DR1: variants seen among roughly 807,000 people sequenced by gnomAD.
The protein encoded by DR1 is down-regulator of transcription 1.
DR1 carries 7 observed loss-of-function variants against 19.9 expected under a neutral mutation model. The observed-to-expected ratio is 0.35, with a 90% CI of 0.20 to 0.66. The LOEUF (loss-of-function observed/expected upper bound fraction) is 0.66. DR1 is among the 30% of genes least tolerant of loss of function. The pLI, the probability that DR1 is intolerant of heterozygous loss-of-function variation, is 0.66. For synonymous variants in DR1, 76 were observed against 72.5 expected (o/e 1.05, Z -0.24); for missense variants, 98 against 203.7 (o/e 0.48, Z 3.16).
chr1:93,346,766 A>G lies in DR1; in HGVS notation c.121A>G (p.Asn41Asp). 1 of 1,614,164 alleles carries G rather than the reference A, an allele frequency of 6.2e-7. No homozygotes were observed. The highest frequency in any genetic ancestry group is 8.5e-7 in the Non-Finnish European group (1 of 1,180,020). ...CAACGATGCTCGAGAGCTGGTGGTG[A>G]ACTGCTGCACTGAATTCATTCACCT... ...VANDARELVV[N>D]CCTEFIHLIS... The change falls in exon 1 of 3, where the codon AAC becomes GAC. Residue 41 changes from asparagine (N) to aspartate (D), a missense_variant. Transcript: ENST00000370272.
chr1:93,367,043 G>C lies in DR1; in HGVS notation c.*6404G>C, dbSNP rs1032489728. The C allele has an allele frequency of 2.6e-5, 4 of 151,634 alleles. No homozygotes were observed. Among genetic ancestry groups the C allele is most frequent in the South Asian group, 2.1e-4 (1 of 4,802 alleles). The allele number at this position is 151,634 out of a possible 1,614,324, so 9.4% of individuals were successfully genotyped here. On this transcript the variant is annotated 3_prime_UTR_variant, in exon 3 of 3. Coordinates refer to ENST00000370272, the MANE Select transcript of DR1 (RefSeq NM_001938.3). ...TTATCCAGCCCCAAATGTTTATGGG[G>C]TTGTTATTGATAAACCCTGCATTAA...
chr1:93,357,291 A>G (rs767833564), intron 2 of DR1, among the ~76,000 whole-genome samples: 5 of 152,026 alleles, frequency 3.3e-5, no homozygotes, highest in Non-Finnish European at 7.4e-5. Flanking sequence ...TTAACCATAT[A>G]CGGGTCTTCT....
rs1667095479 is a variant in DR1, at chr1:93,364,634, CA to C, written c.*3996del. 1 of 152,098 alleles carries C rather than the reference CA, an allele frequency of 6.6e-6. No individual in the cohort carries two copies. The highest frequency in any genetic ancestry group is 6.6e-5 in the Admixed American group (1 of 15,266). The allele number at this position is 152,098 out of a possible 1,614,324, so 9.4% of individuals were successfully genotyped here. ...ACCTCCTCTGTTTTTCACCATCCCC[CA>C]GGATATAAAGTGTCATGGTTAGGAT... On this transcript the variant is annotated 3_prime_UTR_variant, in exon 3 of 3. Transcript: ENST00000370272.
rs1297822861 is a variant in DR1, at chr1:93,361,137, A to C, written c.*498A>C. 2 of 153,428 alleles carry C rather than the reference A, an allele frequency of 1.3e-5. No homozygotes were observed. Among genetic ancestry groups the C allele is most frequent in the African/African-American group, 2.4e-5 (1 of 41,456 alleles). The allele number at this position is 153,428 out of a possible 1,614,324, so 9.5% of individuals were successfully genotyped here. Reference sequence around the variant, plus strand: ...TGAATTTGTCTTTTAAAATGAGTACATATATAGGCAATAAATATATATGCT... The same window carrying C: ...TGAATTTGTCTTTTAAAATGAGTACCTATATAGGCAATAAATATATATGCT... On this transcript the variant is annotated 3_prime_UTR_variant, in exon 3 of 3. Coordinates refer to ENST00000370272, the MANE Select transcript of DR1 (RefSeq NM_001938.3).
In DR1 at chr1:93,364,131, C is replaced by T. The variant is rs569022555; in HGVS notation, c.*3492C>T. 13 of 152,226 alleles carry T rather than the reference C, an allele frequency of 8.5e-5. No individual in the cohort carries two copies. The South Asian group carries it at 1.0e-3, about 12-fold the overall frequency. 9.4% of individuals were successfully genotyped at this position (152,226 alleles called of 1,614,324 possible). The stretch of plus-strand genomic sequence containing the variant: ...TAATGTGTAGCATAAAAATGAATTA[C>T]GCTAATGATCTTAGTGGGTTGAATT... On this transcript the variant is annotated 3_prime_UTR_variant, in exon 3 of 3. Transcript: ENST00000370272.
Position 93,346,539 on chromosome 1 carries a change from C to A in DR1, c.-107C>A. The A allele has an allele frequency of 1.2e-6, 1 of 858,580 alleles. No homozygotes were observed. The highest frequency in any genetic ancestry group is 1.8e-6 in the Non-Finnish European group (1 of 542,756). The allele number at this position is 858,580 out of a possible 1,614,324, so 53.2% of individuals were successfully genotyped here. On this transcript the variant is annotated 5_prime_UTR_variant, in exon 1 of 3. Transcript: ENST00000370272. ...TTTCTGCACCCTCTTCGCAAAGCAC[C>A]CCCCGGGATCACTCTCCGAGGGCGA...
rs144970376 is a variant in DR1 at position 93,354,090 on chromosome 1, T to C, written c.384+19T>C. The C allele has an allele frequency of 3.7e-6, 6 of 1,606,432 alleles. No homozygotes were observed. Among genetic ancestry groups the C allele is most frequent in the Middle Eastern group, 1.7e-4 (1 of 5,894 alleles). On this transcript the variant is annotated intron_variant, in intron 2 of 2. Transcript: ENST00000370272. The stretch of plus-strand genomic sequence containing the variant: ...TGCAAAAGTAAGTAATTTATTTAAA[T>C]TATTTTCCTCTGAATCCTACCCTGT...
In DR1 at chr1:93,368,692, A is replaced by G. The variant is rs184212795; in HGVS notation, c.*8053A>G. ...GTAGTAGTGTGGTTAAGCTATGAAG[A>G]ACAATGGTATTTATTTCCAAAACAC... On this transcript the variant is annotated 3_prime_UTR_variant, in exon 3 of 3. Coordinates refer to ENST00000370272, the MANE Select transcript of DR1 (RefSeq NM_001938.3). The G allele has an allele frequency of 6.6e-6, 1 of 152,218 alleles. No homozygotes were observed. The highest frequency in any genetic ancestry group is 1.5e-5 in the Non-Finnish European group (1 of 68,034). The allele number at this position is 152,218 out of a possible 1,614,324, so 9.4% of individuals were successfully genotyped here. A position where few individuals can be genotyped will look rare whatever the true frequency, so the allele number is the denominator to read the frequency against.
In DR1 at chr1:93,361,298, G is replaced by T. The variant is rs1350633879; in HGVS notation, c.*659G>T. The T allele has an allele frequency of 3.9e-5, 6 of 152,474 alleles. No individual in the cohort carries two copies. Among genetic ancestry groups the T allele is most frequent in the Non-Finnish European group, 8.8e-5 (6 of 67,966 alleles). The allele number at this position is 152,474 out of a possible 1,614,324, so 9.4% of individuals were successfully genotyped here. On this transcript the variant is annotated 3_prime_UTR_variant, in exon 3 of 3. Coordinates refer to ENST00000370272, the MANE Select transcript of DR1 (RefSeq NM_001938.3). The stretch of plus-strand genomic sequence containing the variant: ...GTTTTGTGTAGAGGTAAAAACTATA[G>T]TTTTATTACAGCATAATTCATTTTG...
intron 2 of DR1, 115 bp downstream of exon 2, chr1:93,354,186 A>T: frequency 9.5e-7 from 1 of 1,056,414 alleles, no homozygotes; most frequent in South Asian, 1.8e-5. Flanking sequence ...GTAGTTGATT[A>T]TAGATTCTGG....
At chr1:93,359,732 T>C (rs1667031304) in intron 2 of DR1, among the ~76,000 whole-genome samples, 1 of 152,220 alleles carries the variant, frequency 6.6e-6, no homozygotes, top group Non-Finnish European at 1.5e-5. Flanking sequence ...GCCTTAGCTG[T>C]TTCATAGGTA....
intron 1 of DR1, among the ~76,000 whole-genome samples, chr1:93,349,815 A>ATT (rs1666895351): frequency 6.6e-6 from 1 of 152,100 alleles, no homozygotes; most frequent in South Asian, 2.1e-4. Flanking sequence ...CCAACACTCA[A>ATT]TTTTTTACTA....
At position 93,363,254 on chromosome 1, in the gene DR1, G is replaced by GT. The variant is rs1185880907; in HGVS notation, c.*2621dup. The GT allele has an allele frequency of 2.0e-5, 3 of 151,920 alleles. No homozygotes were observed. The highest frequency in any genetic ancestry group is 2.9e-5 in the Non-Finnish European group (2 of 67,962). The allele number at this position is 151,920 out of a possible 1,614,324, so 9.4% of individuals were successfully genotyped here. ...CTAAAATCATAGATTAGTTTTGCCTGTTTTTTATTTTATGTAAATGTAATC... is the reference window on the plus strand; with the variant it reads ...CTAAAATCATAGATTAGTTTTGCCTGTTTTTTTATTTTATGTAAATGTAATC... On this transcript the variant is annotated 3_prime_UTR_variant, in exon 3 of 3. Transcript: ENST00000370272.
intron 2 of DR1, among the ~76,000 whole-genome samples, chr1:93,357,811 T>C (rs1289101680): frequency 1.3e-5 from 2 of 152,112 alleles, no homozygotes; most frequent in African/African-American, 2.4e-5. Context: ...ACCACCCTAC[T>C]CCTGCCCTTC....
intron 1 of DR1, among the ~76,000 whole-genome samples, chr1:93,347,271 C>T (rs1557744358): frequency 1.3e-5 from 2 of 152,214 alleles, no homozygotes; most frequent in African/African-American, 2.4e-5. Context: ...AGAGCACCCC[C>T]TTCCCCACCT....
intron 1 of DR1, 49 bp from the exon 2 acceptor site, chr1:93,353,857 GAA>G (rs1666946143): frequency 2.0e-6 from 3 of 1,482,706 alleles, no homozygotes; most frequent in Middle Eastern, 1.9e-4. Flanking sequence ...CGGGTTGGGG[GAA>G]AGCTGTGTTT....
intron 2 of DR1, among the ~76,000 whole-genome samples, chr1:93,357,277 G>A (rs1485877829): frequency 6.6e-6 from 1 of 151,804 alleles, no homozygotes; most frequent in East Asian, 1.9e-4. Flanking sequence ...CTTCCTCTTT[G>A]CCTTTAACCA....
At chr1:93,358,205 A>G (rs1667012723) in intron 2 of DR1, among the ~76,000 whole-genome samples, 1 of 152,186 alleles carries the variant, frequency 6.6e-6, no homozygotes, top group Non-Finnish European at 1.5e-5. Context: ...TATGCCAACT[A>G]GTAAGCAATT....
In DR1 at chr1:93,346,131, C is replaced by T; in HGVS notation, c.-515C>T. On this transcript the variant is annotated 5_prime_UTR_variant, in exon 1 of 3. Coordinates refer to ENST00000370272, the MANE Select transcript of DR1 (RefSeq NM_001938.3). The stretch of plus-strand genomic sequence containing the variant: ...CAGCGGCGGACATGTTGTGAGGCGG[C>T]GGCGCGGGTGTCTGAAGGATGGTTT... 8.9e-6 allele frequency: 2 copies of T among 225,586 alleles called. No homozygotes were observed. Among genetic ancestry groups the T allele is most frequent in the East Asian group, 1.6e-4 (1 of 6,080 alleles). 14.0% of individuals were successfully genotyped at this position (225,586 alleles called of 1,614,324 possible).
Sources: allele counts gnomAD v4.1 joint callset (sites outside exome capture counted in the v4.1 genomes callset), GRCh38; gene constraint gnomAD v4.1.1; transcripts MANE v1.5; gene names NCBI Gene and HGNC (gene_info 2026-07-23, HGNC 2026-07-21).